Variants in KCNS3 observed in about 807,000 individuals in gnomAD.
KCNS3 encodes the protein delayed-rectifier potassium channel regulatory subunit KCNS3.
A neutral mutation model predicts 31.0 loss-of-function variants in KCNS3; 13 were observed. The observed-to-expected ratio is 0.42, with a 90% CI of 0.27 to 0.67. The LOEUF (loss-of-function observed/expected upper bound fraction) is 0.67. Ranked by LOEUF, KCNS3 falls within the 30% of genes least tolerant of loss-of-function variation. The probability of loss-of-function intolerance (pLI) is 0.25; values close to 1 mark genes in which losing one functional copy is unlikely to be tolerated. For synonymous variants in KCNS3, 238 were observed against 241.5 expected, an observed-to-expected ratio of 0.99 and a Z score of 0.13; for missense variants, 545 against 622.4, an observed-to-expected ratio of 0.88 and a Z score of 1.32.
intron 2 of KCNS3, among the ~76,000 whole-genome samples, chr2:17,924,885 C>G (rs892609346): frequency 5.3e-5 from 8 of 152,142 alleles, no homozygotes; most frequent in African/African-American, 1.7e-4. Flanking sequence ...GTATGCCTTT[C>G]TCTTCTAATT....
chr2:17,883,395 TTGGGG>T (rs907434410), intron 1 of KCNS3, among the ~76,000 whole-genome samples: 3 of 57,440 alleles, frequency 5.2e-5, no homozygotes, highest in African/African-American at 2.0e-4. Context: ...CGGTGGGGGG[TTGGGG>T]TGGGGTGGGG....
intron 2 of KCNS3, among the ~76,000 whole-genome samples, chr2:17,926,231 G>A (rs1169002606): frequency 1.3e-5 from 2 of 152,178 alleles, no homozygotes; most frequent in African/African-American, 4.8e-5. Context: ...CCACCCCTAT[G>A]GCTTTGCAAG....
chr2:17,909,572 A>C (rs1662423456), intron 1 of KCNS3, among the ~76,000 whole-genome samples: 1 of 152,198 alleles, frequency 6.6e-6, no homozygotes, highest in East Asian at 1.9e-4. Context: ...TGTAGACCGG[A>C]GCTGTTCCTA....
At chr2:17,888,012 G>A (rs753680493) in intron 1 of KCNS3, among the ~76,000 whole-genome samples, 1 of 150,752 alleles carries the variant, frequency 6.6e-6, no homozygotes, top group Non-Finnish European at 1.5e-5. Flanking sequence ...CCCACTTTTT[G>A]ATGGGATTTT....
rs532655298 is a variant in KCNS3, at chr2:17,889,610, C to T, written c.-252+10804C>T. 2.6e-5 allele frequency among the ~76,000 whole-genome samples: 4 copies of T among 152,078 alleles called. No homozygotes were observed. The South Asian group carries it at 8.3e-4, about 32-fold the overall frequency. ...ACATTAAGGTATGTCCCTTGTATGC[C>T]GATTTTGCTGAGAGTTTTAATCATA... is the stretch of plus-strand genomic sequence containing the variant. On this transcript the variant is annotated intron_variant, in intron 1 of 2. Coordinates refer to ENST00000304101, the MANE Select transcript of KCNS3 (RefSeq NM_002252.5).
At chr2:17,924,975 T>C (rs1662801973) in intron 2 of KCNS3, among the ~76,000 whole-genome samples, 1 of 152,250 alleles carries the variant, frequency 6.6e-6, no homozygotes, top group Admixed American at 6.5e-5. Flanking sequence ...GCTTTCCATA[T>C]GAAAATTTTT....
chr2:17,908,459 TC>T (rs1662391242), intron 1 of KCNS3, among the ~76,000 whole-genome samples: 1 of 152,258 alleles, frequency 6.6e-6, no homozygotes, highest in Non-Finnish European at 1.5e-5. Context: ...TTTTCTCAAC[TC>T]GTCAAAGACA....
chr2:17,932,559 T>C lies in KCNS3; in HGVS notation c.*75T>C. The C allele has an allele frequency of 1.4e-6, 2 of 1,453,794 alleles. No individual in the cohort carries two copies. The highest frequency in any genetic ancestry group is 2.8e-5 in the African/African-American group (2 of 70,780). The allele number at this position is 1,453,794 out of a possible 1,614,324, so 90.1% of individuals were successfully genotyped here. ...ACACAGCTTTATAAACCTCAGTGGGTTCGTTAAAATCATTTAATTCTCAGG... is the reference window on the plus strand; with the variant it reads ...ACACAGCTTTATAAACCTCAGTGGGCTCGTTAAAATCATTTAATTCTCAGG... On this transcript the variant is annotated 3_prime_UTR_variant, in exon 3 of 3. Transcript: ENST00000304101.
chr2:17,921,915 G>GTATATATATATATATATATATATATATA (rs56064218), intron 2 of KCNS3, among the ~76,000 whole-genome samples: 1 of 32,810 alleles, frequency 3.0e-5, no homozygotes, highest in South Asian at 1.3e-3. Context: ...GTGTGTGTGT[G>GTATATATATATATATATATATATATATA]TATATATATA....
Position 17,931,689 on chromosome 2 carries a change from C to A in KCNS3, c.681C>A (p.Ile227=). ...ATCCGGTGCTGGAAGGAGTGGAGAT[C>A]GCGTGCATTGCCTGGTTCACCGGGG... The part of the protein sequence containing the change: ...VDDPVLEGVE[I]ACIAWFTGEL... The change falls in exon 3 of 3, where the codon ATC becomes ATA. Residue 227 remains isoleucine, a synonymous_variant. Coordinates refer to ENST00000304101, the MANE Select transcript of KCNS3 (RefSeq NM_002252.5). The surrounding 1 kb of genome is among the most constrained non-coding windows in gnomAD (Gnocchi z 5.4). 6.2e-7 allele frequency: 1 copy of A among 1,614,122 alleles called. No individual in the cohort carries two copies. Among genetic ancestry groups the A allele is most frequent in the Non-Finnish European group, 8.5e-7 (1 of 1,180,028 alleles).
chr2:17,928,265 CTTTGTTTTG>C (rs916535072), intron 2 of KCNS3, among the ~76,000 whole-genome samples: 6 of 151,614 alleles, frequency 4.0e-5, no homozygotes, highest in African/African-American at 1.5e-4. Context: ...TTTAATTTTC[CTTTGTTTTG>C]TTTAAGTTTT....
intron 1 of KCNS3, among the ~76,000 whole-genome samples, chr2:17,914,898 C>G (rs1222784460): frequency 6.6e-6 from 1 of 152,182 alleles, no homozygotes; most frequent in Non-Finnish European, 1.5e-5. Context: ...CAACCTTACT[C>G]CTATGATTCT....
intron 1 of KCNS3, among the ~76,000 whole-genome samples, chr2:17,894,982 G>A (rs1289977608): frequency 6.6e-6 from 1 of 152,102 alleles, no homozygotes; most frequent in Admixed American, 6.5e-5. Flanking sequence ...TTTTTGACTT[G>A]CATTGCCTGG....
At chr2:17,894,301 GAGTTTTCTCTCCT>G (rs1661968180) in intron 1 of KCNS3, among the ~76,000 whole-genome samples, 1 of 152,074 alleles carries the variant, frequency 6.6e-6, no homozygotes, top group Non-Finnish European at 1.5e-5. Flanking sequence ...GGGAGGAGAT[GAGTTTTCTCTCCT>G]AGGAAGGGGG....
intron 1 of KCNS3, among the ~76,000 whole-genome samples, chr2:17,909,625 T>G (rs1662425067): frequency 1.3e-5 from 2 of 152,156 alleles, no homozygotes; most frequent in African/African-American, 4.8e-5. Context: ...TATTGACATT[T>G]TAGATAGGCT....
intron 1 of KCNS3, among the ~76,000 whole-genome samples, chr2:17,905,081 C>T (rs538472893): frequency 2.5e-4 from 38 of 152,290 alleles, no homozygotes; most frequent in Non-Finnish European, 3.7e-4. Context: ...AATGATTCTT[C>T]CTATCCATGA....
intron 1 of KCNS3, among the ~76,000 whole-genome samples, chr2:17,884,746 T>C (rs2125231397): frequency 6.6e-6 from 1 of 152,324 alleles, no homozygotes; most frequent in Middle Eastern, 3.4e-3. Flanking sequence ...TATATACCTC[T>C]GTGTATAGAG....
At chr2:17,926,491 C>G (rs1363954533) in intron 2 of KCNS3, among the ~76,000 whole-genome samples, 1 of 152,234 alleles carries the variant, frequency 6.6e-6, no homozygotes, top group Non-Finnish European at 1.5e-5. Flanking sequence ...AAACTTCTGC[C>G]TGGACTTCCA....
chr2:17,903,613 C>A (rs1421987026), intron 1 of KCNS3, among the ~76,000 whole-genome samples: 1 of 151,952 alleles, frequency 6.6e-6, no homozygotes, highest in African/African-American at 2.4e-5. Flanking sequence ...CCCCTTCCCC[C>A]CACCCCACAA....
Sources: gnomAD v4.1 joint callset for allele counts (sites outside exome capture counted in the v4.1 genomes callset) on GRCh38, gnomAD v4.1.1 for gene constraint, Gnocchi (gnomAD v3.1) non-coding constraint, MANE v1.5 for transcripts, NCBI Gene and HGNC (gene_info 2026-07-23, HGNC 2026-07-21) for gene names.